APBA2: variants seen among roughly 807,000 people sequenced by gnomAD.
The protein encoded by APBA2 is amyloid beta precursor protein binding family A member 2.
A neutral mutation model predicts 75.0 loss-of-function variants in APBA2; 30 were observed. The observed-to-expected ratio is 0.40, with a 90% CI of 0.30 to 0.54. APBA2 has a LOEUF of 0.54. APBA2 is among the 20% of genes least tolerant of loss of function. The probability of loss-of-function intolerance (pLI) is 0.49; values close to 1 mark genes in which losing one functional copy is unlikely to be tolerated. For missense variants in APBA2, 801 were observed against 1,016.1 expected, an observed-to-expected ratio of 0.79 and a Z score of 2.88; for synonymous variants, 444 against 409.6, an observed-to-expected ratio of 1.08 and a Z score of -1.01.
rs1007432118 is a variant in APBA2 at position 28,954,838 on chromosome 15, C to T, written c.-95+33089C>T. On this transcript the variant is annotated intron_variant, in intron 2 of 14. Transcript: ENST00000683413. ...CTTTCCCCATCTGCTTTGGCATCCTCCAAACCTGGGAACCTTTCTAACACC... is the reference window on the plus strand; with the variant it reads ...CTTTCCCCATCTGCTTTGGCATCCTTCAAACCTGGGAACCTTTCTAACACC... Among the ~76,000 whole-genome samples the T allele has an allele frequency of 2.0e-5, 3 of 152,198 alleles. No individual in the cohort carries two copies. In the South Asian group the frequency reaches 6.2e-4, roughly 32 times the overall value.
At position 29,009,763 on chromosome 15, in the gene APBA2, C is replaced by A. The variant is rs141088702; in HGVS notation, c.-41+13957C>A. Among the ~76,000 whole-genome samples the A allele has an allele frequency of 1.8e-3, 278 of 152,314 alleles. 1 individual carries two copies. The highest frequency in any genetic ancestry group is 6.3e-3 in the African/African-American group (262 of 41,564). On this transcript the variant is annotated intron_variant, in intron 3 of 14. Transcript: ENST00000683413. Reference sequence around the variant, plus strand: ...AGGTGGTGTGACAGTAGTTCATTGACTCACTGTTACAGAGCATTGTAAAAA... The same window carrying A: ...AGGTGGTGTGACAGTAGTTCATTGAATCACTGTTACAGAGCATTGTAAAAA...
rs183801058 is a variant in APBA2, at chr15:29,108,163, T to G, written c.1918-107T>G. 1.3e-4 allele frequency: 204 copies of G among 1,526,538 alleles called. 1 individual carries two copies. In the African/African-American group the frequency reaches 2.5e-3, roughly 18 times the overall value. The allele number at this position is 1,526,538 out of a possible 1,614,324, so 94.6% of individuals were successfully genotyped here. A position where few individuals can be genotyped will look rare whatever the true frequency, so the allele number is the denominator to read the frequency against. ...AGGGGACTGCCTGCCTCTCCCATTG[T>G]GTGTTCTCACTGCCCCCGGCCTCCA... On this transcript the variant is annotated intron_variant, in intron 12 of 14. Transcript: ENST00000683413.
intron 3 of APBA2, among the ~76,000 whole-genome samples, chr15:28,998,914 A>G (rs1485313018): frequency 6.6e-6 from 1 of 152,206 alleles, no homozygotes; most frequent in Non-Finnish European, 1.5e-5. Flanking sequence ...TGGGAGGCCG[A>G]GGTGGGCAGA....
At chr15:29,091,993 G>A (rs1232830006) in intron 6 of APBA2, among the ~76,000 whole-genome samples, 1 of 152,206 alleles carries the variant, frequency 6.6e-6, no homozygotes, top group East Asian at 1.9e-4. Context: ...TAAAGCAGGT[G>A]ACATGGCCAA....
intron 1 of APBA2, among the ~76,000 whole-genome samples, chr15:28,913,693 G>A (rs1595444425): frequency 6.6e-6 from 1 of 152,234 alleles, no homozygotes; most frequent in Non-Finnish European, 1.5e-5. Context: ...CATGAGACAA[G>A]GGGAGCCCCC....
At position 28,913,227 on chromosome 15, in the gene APBA2, T is replaced by C. The variant is rs1245689398; in HGVS notation, c.-204-8413T>C. Among the ~76,000 whole-genome samples, 3 of 152,218 alleles carry C rather than the reference T, an allele frequency of 2.0e-5. No individual in the cohort carries two copies. The South Asian group carries it at 6.2e-4, about 31-fold the overall frequency. On this transcript the variant is annotated intron_variant, in intron 1 of 14. Transcript: ENST00000683413. The stretch of plus-strand genomic sequence containing the variant: ...CCCCTCCTGATACAGGGATCCTTGC[T>C]GATTGTGTGTGACACCAGGGCCTTC...
At chr15:29,020,622 A>G (rs1348385948) in intron 3 of APBA2, among the ~76,000 whole-genome samples, 1 of 150,638 alleles carries the variant, frequency 6.6e-6, no homozygotes, top group African/African-American at 2.5e-5. Context: ...CCTGACCAAC[A>G]TGGTGAAACC....
At chr15:29,013,446 A>AT (rs545243234) in intron 3 of APBA2, among the ~76,000 whole-genome samples, 1 of 151,810 alleles carries the variant, frequency 6.6e-6, no homozygotes, top group Non-Finnish European at 1.5e-5. Flanking sequence ...CGCCTGGCCA[A>AT]TTTTTTGTAT....
intron 2 of APBA2, among the ~76,000 whole-genome samples, chr15:28,953,513 GT>G (rs2036001942): frequency 6.6e-6 from 1 of 151,578 alleles, no homozygotes; most frequent in African/African-American, 2.4e-5. Flanking sequence ...CTCCCTTCCC[GT>G]TCTCTCTTAT....
Position 29,074,996 on chromosome 15 carries a change from C to T in APBA2, c.1027C>T (p.Pro343Ser), listed in dbSNP as rs2042787806. The T allele has an allele frequency of 6.2e-7, 1 of 1,613,010 alleles. No individual in the cohort carries two copies. Among genetic ancestry groups the T allele is most frequent in the African/African-American group, 1.3e-5 (1 of 74,892 alleles). The part of the protein sequence containing the change: ...LNGPVDNNNI[P>S]ETKKVASFPS... Reference sequence around the variant, plus strand: ...TGGACCTGTTGACAATAACAACATTCCAGAGGTAATTTTTTTCAAGGATGA... The same window carrying T: ...TGGACCTGTTGACAATAACAACATTTCAGAGGTAATTTTTTTCAAGGATGA... Residue 343 changes from proline (P) to serine (S), a missense_variant, in exon 5 of 15, where the codon CCA (proline) becomes TCA (serine). By Grantham distance (74) the Pro-to-Ser change is moderately conservative. Around this residue, in one of 2 missense-constraint regions of APBA2, gnomAD observed 434 missense variants for 471.6 expected, o/e 0.92. Coordinates refer to ENST00000683413, the MANE Select transcript of APBA2 (RefSeq NM_001353788.2).
chr15:29,108,273 C>T lies in APBA2; in HGVS notation c.1921C>T (p.Leu641=). 1 of 1,613,856 alleles carries T rather than the reference C, an allele frequency of 6.2e-7. No homozygotes were observed. The highest frequency in any genetic ancestry group is 2.2e-5 in the East Asian group (1 of 44,882). The change falls in exon 13 of 15, where the codon CTG becomes TTG. Residue 641 remains leucine (L), a synonymous_variant. Coordinates refer to ENST00000683413, the MANE Select transcript of APBA2 (RefSeq NM_001353788.2). ...CTCCTGTCCCCGTGCTCTGCAGGGC[C>T]TGAAGAACCAGACACAGGTGAAGCT... The part of the protein sequence containing the change: ...LATCQGIIKG[L]KNQTQVKLNI...
chr15:28,981,251 A>G lies in APBA2; in HGVS notation c.-94-14502A>G, dbSNP rs148097440. 3.2e-3 allele frequency among the ~76,000 whole-genome samples: 481 copies of G among 152,362 alleles called. 2 individuals are homozygous for G. Among genetic ancestry groups the G allele is most frequent in the Non-Finnish European group, 4.5e-3 (307 of 68,032 alleles). Reference sequence around the variant, plus strand: ...TACAGAATGGGAGAAAATACAAACTATGCATCCAACAAAAGTCTAATATCA... The same window carrying G: ...TACAGAATGGGAGAAAATACAAACTGTGCATCCAACAAAAGTCTAATATCA... On this transcript the variant is annotated intron_variant, in intron 2 of 14. Transcript: ENST00000683413.
At chr15:28,944,369 G>A (rs766913160) in intron 2 of APBA2, among the ~76,000 whole-genome samples, 3 of 152,134 alleles carry the variant, frequency 2.0e-5, no homozygotes, top group South Asian at 2.1e-4. Context: ...ATTTACCTCC[G>A]TGTCACTGTC....
intron 3 of APBA2, among the ~76,000 whole-genome samples, chr15:29,032,955 C>A (rs1357372769): frequency 6.6e-6 from 1 of 152,234 alleles, no homozygotes; most frequent in Non-Finnish European, 1.5e-5. Flanking sequence ...GGAGCATGGA[C>A]TCTGCCCACA....
intron 4 of APBA2, among the ~76,000 whole-genome samples, chr15:29,056,574 C>T (rs1370872314): frequency 2.0e-4 from 4 of 20,030 alleles, no homozygotes; most frequent in African/African-American, 5.3e-4. Flanking sequence ...CCCTTCCTCC[C>T]TTCCTCCCTC....
chr15:28,969,484 C>A (rs2036949683), intron 2 of APBA2, among the ~76,000 whole-genome samples: 1 of 152,066 alleles, frequency 6.6e-6, no homozygotes, highest in African/African-American at 2.4e-5. Flanking sequence ...CGGGCCTTAA[C>A]CTTTCATTTC....
At chr15:29,067,456 A>G (rs532598251) in intron 4 of APBA2, among the ~76,000 whole-genome samples, 30 of 152,246 alleles carry the variant, frequency 2.0e-4, no homozygotes, top group African/African-American at 6.5e-4. Flanking sequence ...AAAATGAGCC[A>G]TGAGTAAATA....
rs140759540 is a variant in APBA2 at position 28,945,105 on chromosome 15, C to T, written c.-95+23356C>T. Among the ~76,000 whole-genome samples, 456 of 152,322 alleles carry T rather than the reference C, an allele frequency of 3.0e-3. 2 individuals carry two copies. Among genetic ancestry groups the T allele is most frequent in the Non-Finnish European group, 4.7e-3 (317 of 68,032 alleles). On this transcript the variant is annotated intron_variant, in intron 2 of 14. Transcript: ENST00000683413. ...CACACAGGAGGTGCAGCAGAGCATGCGGAGATCCACCTGGCAACTCACAGC... is the reference window on the plus strand; with the variant it reads ...CACACAGGAGGTGCAGCAGAGCATGTGGAGATCCACCTGGCAACTCACAGC...
intron 9 of APBA2, among the ~76,000 whole-genome samples, chr15:29,101,018 CAG>C (rs1001407898): frequency 2.3e-4 from 35 of 152,272 alleles, no homozygotes; most frequent in African/African-American, 7.7e-4. Flanking sequence ...TTTTGTCCCT[CAG>C]GGGACATTTA....
Sources: allele counts gnomAD v4.1 joint callset (sites outside exome capture counted in the v4.1 genomes callset), GRCh38; gene constraint gnomAD v4.1.1; regional missense constraint gnomAD v4.1.1; transcripts MANE v1.5; gene names NCBI Gene and HGNC (gene_info 2026-07-23, HGNC 2026-07-21).